ZBTB7C: variants seen among roughly 807,000 people sequenced by gnomAD.
ZBTB7C encodes the protein zinc finger and BTB domain containing 7C.
ZBTB7C carries 8 observed loss-of-function variants against 25.7 expected under a neutral mutation model. The observed-to-expected ratio is 0.31, with a 90% CI of 0.18 to 0.56. The LOEUF is 0.56. Ranked by LOEUF, ZBTB7C falls within the 20% of genes least tolerant of loss-of-function variation. The pLI is 0.91. For missense variants in ZBTB7C, 824 were observed against 855.2 expected (o/e 0.96, Z 0.46); for synonymous variants, 394 against 369.0 (o/e 1.07, Z -0.78).
chr18:48,265,026 G>T (rs549279884), intron 2 of ZBTB7C, among the ~76,000 whole-genome samples: 124 of 152,278 alleles, frequency 8.1e-4, no homozygotes, highest in Non-Finnish European at 1.5e-3. Context: ...GTAGGAGGAG[G>T]GATCTGCCTT....
chr18:48,346,887 T>C (rs1283235383), intron 1 of ZBTB7C, among the ~76,000 whole-genome samples: 2 of 151,800 alleles, frequency 1.3e-5, no homozygotes, highest in Admixed American at 6.6e-5. Context: ...CGGGTTTAAG[T>C]GATTCTCCTG....
At chr18:48,142,415 G>A (rs1320593306) in intron 3 of ZBTB7C, among the ~76,000 whole-genome samples, 2 of 152,216 alleles carry the variant, frequency 1.3e-5, no homozygotes, top group African/African-American at 4.8e-5. Flanking sequence ...AGCACAGGGT[G>A]CTGGGTTGTT....
At chr18:48,109,906 G>A (rs769058136) in intron 3 of ZBTB7C, among the ~76,000 whole-genome samples, 8 of 152,180 alleles carry the variant, frequency 5.3e-5, no homozygotes, top group Non-Finnish European at 1.2e-4. Flanking sequence ...AGCACTCCCA[G>A]GTGCAGAAAG....
chr18:48,294,641 G>A (rs2045336331), intron 2 of ZBTB7C, among the ~76,000 whole-genome samples: 1 of 151,592 alleles, frequency 6.6e-6, no homozygotes, highest in South Asian at 2.1e-4. Flanking sequence ...CCCCACATCA[G>A]GGCATGCCTG....
At chr18:48,277,019 G>A (rs568542457) in intron 2 of ZBTB7C, among the ~76,000 whole-genome samples, 3 of 151,888 alleles carry the variant, frequency 2.0e-5, no homozygotes, top group East Asian at 1.9e-4. Context: ...GGATTTAAAC[G>A]TTAGACCTAA....
At chr18:48,273,947 G>C (rs2044566301) in intron 2 of ZBTB7C, among the ~76,000 whole-genome samples, 1 of 152,052 alleles carries the variant, frequency 6.6e-6, no homozygotes, top group Admixed American at 6.6e-5. Flanking sequence ...TATCAAAAGG[G>C]AAAGAACCTA....
intron 2 of ZBTB7C, among the ~76,000 whole-genome samples, chr18:48,314,074 G>A (rs888105429): frequency 2.6e-5 from 4 of 152,118 alleles, no homozygotes; most frequent in African/African-American, 9.7e-5. Flanking sequence ...GCTGCAAAAC[G>A]GTAAGCCAAT....
At chr18:48,161,159 G>T (rs2041008360) in intron 3 of ZBTB7C, among the ~76,000 whole-genome samples, 1 of 151,172 alleles carries the variant, frequency 6.6e-6, no homozygotes, top group South Asian at 2.1e-4. Context: ...CCTAAAGGGG[G>T]CTGTGGGGGA....
At chr18:48,142,317 A>G (rs2040372757) in intron 3 of ZBTB7C, among the ~76,000 whole-genome samples, 1 of 152,220 alleles carries the variant, frequency 6.6e-6, no homozygotes, top group African/African-American at 2.4e-5. Flanking sequence ...GGGGGCCAGC[A>G]GAGCCTGCCT....
intron 3 of ZBTB7C, among the ~76,000 whole-genome samples, chr18:48,119,452 C>A (rs2039553835): frequency 6.6e-6 from 1 of 152,246 alleles, no homozygotes; most frequent in Non-Finnish European, 1.5e-5. Flanking sequence ...CACATTCCTT[C>A]CCCTGAAACC....
At chr18:48,184,082 TG>T (rs2145120110) in intron 3 of ZBTB7C, among the ~76,000 whole-genome samples, 1 of 152,294 alleles carries the variant, frequency 6.6e-6, no homozygotes, top group Non-Finnish European at 1.5e-5. Flanking sequence ...TTCAGAGGGT[TG>T]TCCCAGGAGT....
chr18:48,360,002 T>A (rs1160560813), intron 1 of ZBTB7C, among the ~76,000 whole-genome samples: 1 of 152,202 alleles, frequency 6.6e-6, no homozygotes, highest in African/African-American at 2.4e-5. Context: ...CATTCTTGGA[T>A]GTGTTTGAAT....
chr18:48,294,455 C>T (rs1285482897), intron 2 of ZBTB7C, among the ~76,000 whole-genome samples: 1 of 152,050 alleles, frequency 6.6e-6, no homozygotes, highest in Non-Finnish European at 1.5e-5. Flanking sequence ...TGACAGGTGC[C>T]CCAGGCCAGC....
chr18:48,304,152 G>A (rs533217272), intron 2 of ZBTB7C, among the ~76,000 whole-genome samples: 1 of 152,268 alleles, frequency 6.6e-6, no homozygotes, highest in East Asian at 1.9e-4. Context: ...ATGTGCAGGG[G>A]CCCCACACAC....
intron 4 of ZBTB7C, among the ~76,000 whole-genome samples, chr18:48,036,098 G>A (rs982717372): frequency 2.6e-5 from 4 of 152,272 alleles, no homozygotes; most frequent in Non-Finnish European, 5.9e-5. Context: ...GGTTGATGCC[G>A]TTGAGGCCCT....
chr18:48,133,742 A>G (rs964392458), intron 3 of ZBTB7C, among the ~76,000 whole-genome samples: 1 of 152,202 alleles, frequency 6.6e-6, no homozygotes, highest in Non-Finnish European at 1.5e-5. Context: ...AAGGAAAAAC[A>G]CAATCTCTGA....
intron 3 of ZBTB7C, among the ~76,000 whole-genome samples, chr18:48,103,144 C>G (rs1456219800): frequency 6.9e-6 from 1 of 144,380 alleles, no homozygotes; most frequent in Non-Finnish European, 1.5e-5. Flanking sequence ...ATCTATCTAT[C>G]TATCTATCTA....
intron 3 of ZBTB7C, among the ~76,000 whole-genome samples, chr18:48,109,843 T>G (rs1053032304): frequency 6.6e-6 from 1 of 152,186 alleles, no homozygotes; most frequent in African/African-American, 2.4e-5. Flanking sequence ...TATGCAGACA[T>G]GGTGTTAACA....
chr18:48,294,454 C>A (rs746945834), intron 2 of ZBTB7C, among the ~76,000 whole-genome samples: 5 of 151,964 alleles, frequency 3.3e-5, no homozygotes, highest in Admixed American at 1.3e-4. Context: ...TTGACAGGTG[C>A]CCCAGGCCAG....
Sources: gnomAD v4.1 joint callset for allele counts (sites outside exome capture counted in the v4.1 genomes callset) on GRCh38, gnomAD v4.1.1 for gene constraint, MANE v1.5 for transcripts, NCBI Gene and HGNC (gene_info 2026-07-23, HGNC 2026-07-21) for gene names.